GLCCI1: variants seen among roughly 807,000 people sequenced by gnomAD.
The protein encoded by GLCCI1 is glucocorticoid induced 1, also known as glucocorticoid-induced transcript 1 protein.
A neutral mutation model predicts 52.2 loss-of-function variants in GLCCI1; 24 were observed. The ratio of observed to expected loss-of-function variants is 0.46; its 90% confidence interval spans 0.33 to 0.65. The LOEUF (loss-of-function observed/expected upper bound fraction) is 0.65. Among genes scored for constraint, GLCCI1 ranks in the 30% least tolerant of loss-of-function variants. The pLI is 0.02. For synonymous variants in GLCCI1, 310 were observed against 276.5 expected (o/e 1.12, Z -1.20); for missense variants, 704 against 701.5 (o/e 1.00, Z -0.04).
chr7:8,076,332 G>T (rs1427111876), intron 6 of GLCCI1, among the ~76,000 whole-genome samples: 1 of 152,080 alleles, frequency 6.6e-6, no homozygotes, highest in Admixed American at 6.5e-5. Context: ...GTTCTAGGGC[G>T]CTTATTATCC....
rs750698292 is a variant in GLCCI1 at position 7,979,997 on chromosome 7, A to G, written c.457+10190A>G. ...GTCACCCAGGCTGAAGCACAGTGGC[A>G]CAATCTTGGCTCACTGTAACCTCTG... On this transcript the variant is annotated intron_variant, in intron 1 of 7. Coordinates refer to ENST00000223145, the MANE Select transcript of GLCCI1 (RefSeq NM_138426.4). 1.9e-4 allele frequency among the ~76,000 whole-genome samples: 29 copies of G among 152,028 alleles called. 1 individual carries two copies. The highest frequency in any genetic ancestry group is 3.2e-4 in the Non-Finnish European group (22 of 68,004).
intron 3 of GLCCI1, among the ~76,000 whole-genome samples, chr7:8,048,214 C>G (rs1285235466): frequency 6.6e-6 from 1 of 152,176 alleles, no homozygotes; most frequent in African/African-American, 2.4e-5. Flanking sequence ...CTGCACATCT[C>G]TTACCTACAG....
intron 2 of GLCCI1, among the ~76,000 whole-genome samples, chr7:8,019,172 C>T (rs983864364): frequency 6.6e-6 from 1 of 152,192 alleles, no homozygotes; most frequent in Non-Finnish European, 1.5e-5. Flanking sequence ...GAACACTGCC[C>T]TCCAATTGAA....
At chr7:8,041,984 A>C (rs1782010685) in intron 3 of GLCCI1, among the ~76,000 whole-genome samples, 2 of 152,184 alleles carry the variant, frequency 1.3e-5, no homozygotes, top group African/African-American at 4.8e-5. Flanking sequence ...TGTACTTTAT[A>C]AAGTGGAAGA....
In GLCCI1 at chr7:8,055,475, A is replaced by G. The variant is rs1782365706; in HGVS notation, c.739A>G (p.Ser247Gly). 6.2e-7 allele frequency: 1 copy of G among 1,613,898 alleles called. No individual in the cohort carries two copies. The highest frequency in any genetic ancestry group is 1.7e-5 in the Admixed American group (1 of 60,012). The change falls in exon 4 of 8, where the codon AGT (serine) becomes GGT (glycine). Residue 247 changes from serine to glycine, a missense_variant. Ser to Gly is a moderately conservative substitution (Grantham distance 56). Transcript: ENST00000223145. Reference sequence around the variant, plus strand: ...GCAGCAACTACAACGCAGTAAACAGAGTAGTCGTCACAGTAAGGAGAAAGA... The same window carrying G: ...GCAGCAACTACAACGCAGTAAACAGGGTAGTCGTCACAGTAAGGAGAAAGA... ...LRQQLQRSKQSSRHSKEKDRQ... is the reference protein window; with the variant it reads ...LRQQLQRSKQGSRHSKEKDRQ...
chr7:8,063,311 G>C (rs1000632593), intron 5 of GLCCI1, among the ~76,000 whole-genome samples: 2 of 150,370 alleles, frequency 1.3e-5, no homozygotes, highest in African/African-American at 4.9e-5. Context: ...CTAACTTTTT[G>C]TATTTTTTTT....
At chr7:8,054,795 A>T (rs1246032074) in intron 3 of GLCCI1, among the ~76,000 whole-genome samples, 1 of 152,110 alleles carries the variant, frequency 6.6e-6, no homozygotes, top group Non-Finnish European at 1.5e-5. Flanking sequence ...AATGAATTCC[A>T]GGTCATATTA....
chr7:7,996,161 T>C lies in GLCCI1; in HGVS notation c.458-7747T>C, dbSNP rs1435356789. Among the ~76,000 whole-genome samples, 8 of 152,340 alleles carry C rather than the reference T, an allele frequency of 5.3e-5. No individual in the cohort carries two copies. In the East Asian group the frequency reaches 1.2e-3, roughly 22 times the overall value. The stretch of plus-strand genomic sequence containing the variant: ...GTTCCTTTTGCTTACAATATGACTT[T>C]CCACCTTTGGTCAGTTATTTTAGTT... On this transcript the variant is annotated intron_variant, in intron 1 of 7. Transcript: ENST00000223145.
At chr7:8,074,496 C>T (rs1218390480) in intron 6 of GLCCI1, among the ~76,000 whole-genome samples, 1 of 152,024 alleles carries the variant, frequency 6.6e-6, no homozygotes, top group Non-Finnish European at 1.5e-5. Context: ...CCAGCCTGGC[C>T]AACATAGTGA....
chr7:8,022,601 G>C (rs1781518637), intron 3 of GLCCI1, 32 bp downstream of exon 3: 4 of 1,429,148 alleles, frequency 2.8e-6, no homozygotes, highest in African/African-American at 1.5e-5. Context: ...TCTGTAACCT[G>C]TTTTGGTCCT....
chr7:7,977,403 G>A (rs1171969748), intron 1 of GLCCI1, among the ~76,000 whole-genome samples: 1 of 152,134 alleles, frequency 6.6e-6, no homozygotes, highest in Non-Finnish European at 1.5e-5. Flanking sequence ...AAGCATGTTT[G>A]ACTGAACTGG....
At chr7:8,004,907 A>T (rs531532367) in intron 2 of GLCCI1, among the ~76,000 whole-genome samples, 2 of 152,294 alleles carry the variant, frequency 1.3e-5, no homozygotes, top group South Asian at 4.1e-4. Context: ...GAAAAGAGAG[A>T]GAGTTTTGGA....
chr7:7,982,061 G>T, intron 1 of GLCCI1: 1 of 468,646 alleles, frequency 2.1e-6, no homozygotes, highest in South Asian at 1.7e-5. Context: ...TAAAAAGAGA[G>T]ACCGAACTCA....
intron 5 of GLCCI1, among the ~76,000 whole-genome samples, chr7:8,061,567 C>A (rs760230108): frequency 4.0e-5 from 6 of 150,848 alleles, no homozygotes; most frequent in Non-Finnish European, 8.9e-5. Flanking sequence ...GACTCTCCTT[C>A]AACATTTCAT....
chr7:8,025,726 C>A (rs929906083), intron 3 of GLCCI1, among the ~76,000 whole-genome samples: 3 of 152,148 alleles, frequency 2.0e-5, no homozygotes, highest in Admixed American at 2.0e-4. Context: ...AATGGGTCAT[C>A]ACATGTAGGG....
At chr7:8,084,592 A>T (rs1425634943) in intron 6 of GLCCI1, 1 of 214,774 alleles carries the variant, frequency 4.7e-6, no homozygotes, top group Non-Finnish European at 9.2e-6. Context: ...CATCATTTGC[A>T]TTCTTGAAAT....
intron 1 of GLCCI1, among the ~76,000 whole-genome samples, chr7:7,971,942 C>T (rs1329623256): frequency 6.6e-6 from 1 of 152,132 alleles, no homozygotes; most frequent in Admixed American, 6.5e-5. Flanking sequence ...CAGTTTCTTA[C>T]ATTGCAGTGA....
At chr7:8,064,975 C>A (rs1054062545) in intron 5 of GLCCI1, among the ~76,000 whole-genome samples, 1 of 152,142 alleles carries the variant, frequency 6.6e-6, no homozygotes, top group East Asian at 1.9e-4. Context: ...CTCGGCCCCC[C>A]TAAAGTGCTG....
chr7:7,975,498 C>G (rs1780445183), intron 1 of GLCCI1, among the ~76,000 whole-genome samples: 1 of 152,140 alleles, frequency 6.6e-6, no homozygotes, highest in Non-Finnish European at 1.5e-5. Flanking sequence ...ATTCCAGATC[C>G]AGTGTTCATT....
Sources: gnomAD v4.1 joint callset for allele counts (sites outside exome capture counted in the v4.1 genomes callset) on GRCh38, gnomAD v4.1.1 for gene constraint, MANE v1.5 for transcripts, NCBI Gene and HGNC (gene_info 2026-07-23, HGNC 2026-07-21) for gene names.